The following SOBP variants were observed in gnomAD, a reference collection of about 807,000 sequenced individuals.
SOBP encodes sine oculis binding protein homolog.
In SOBP, 4 loss-of-function variants were observed where a neutral mutation model predicts 53.6. That is an observed-to-expected ratio of 0.07 (90% confidence interval 0.04 to 0.17). SOBP has a LOEUF of 0.17. Ranked by LOEUF, SOBP falls within the 10% of genes least tolerant of loss-of-function variation. The probability of loss-of-function intolerance (pLI) is 1.00; values close to 1 mark genes in which losing one functional copy is unlikely to be tolerated. For synonymous variants in SOBP, 584 were observed against 522.6 expected (o/e 1.12, Z -1.60); for missense variants, 1,088 against 1,204.7 (o/e 0.90, Z 1.43).
chr6:107,546,814 A>T (rs184122332), intron 4 of SOBP, among the ~76,000 whole-genome samples: 150 of 152,344 alleles, frequency 9.8e-4, no homozygotes, highest in Non-Finnish European at 1.5e-3. Context: ...AAGTAAGGTA[A>T]GTTGTTTGGA....
intron 4 of SOBP, 61 bp from the exon 5 acceptor site, chr6:107,587,019 T>C (rs1395530430): frequency 1.6e-6 from 2 of 1,286,608 alleles, no homozygotes; most frequent in Non-Finnish European, 2.3e-6. Context: ...TGTTATGCTT[T>C]TTAGCTTTTT....
At chr6:107,545,274 A>T (rs186321848) in intron 4 of SOBP, among the ~76,000 whole-genome samples, 1 of 152,372 alleles carries the variant, frequency 6.6e-6, no homozygotes, top group African/African-American at 2.4e-5. Context: ...AGAGAACTAT[A>T]TAGTTACGTT....
chr6:107,529,662 C>T, intron 3 of SOBP: 27 of 967,074 alleles, frequency 2.8e-5, no homozygotes, highest in Non-Finnish European at 3.3e-5. Flanking sequence ...AAGAAGATCA[C>T]TGACCAATGG....
chr6:107,542,116 T>C (rs896903729), intron 4 of SOBP, among the ~76,000 whole-genome samples: 3 of 152,080 alleles, frequency 2.0e-5, no homozygotes, highest in Non-Finnish European at 4.4e-5. Flanking sequence ...CTTAAACATA[T>C]CTTTGTAATA....
At position 107,634,591 on chromosome 6, in the gene SOBP, T is replaced by C. The variant is rs760532040; in HGVS notation, c.1747T>C (p.Ser583Pro). The C allele has an allele frequency of 6.2e-5, 99 of 1,601,534 alleles. 1 individual carries two copies. In the East Asian group the frequency reaches 1.3e-3, roughly 21 times the overall value. Reference protein sequence around the residue: ...AGGKPSGHSLSPRDSKQGSSK... With the variant: ...AGGKPSGHSLPPRDSKQGSSK... The stretch of plus-strand genomic sequence containing the variant: ...CGGCAAGCCAAGCGGACACTCCCTG[T>C]CCCCCCGGGACTCCAAGCAGGGCTC... The change falls in exon 6 of 7, where the codon TCC becomes CCC. Residue 583 changes from serine to proline, a missense_variant. Transcript: ENST00000317357. The surrounding 1 kb of genome is among the most constrained non-coding windows in gnomAD (Gnocchi z 4.5).
intron 6 of SOBP, among the ~76,000 whole-genome samples, chr6:107,654,769 CAGGGCTCT>C (rs1771951296): frequency 6.7e-6 from 1 of 149,586 alleles, no homozygotes; most frequent in South Asian, 2.1e-4. Flanking sequence ...GAGGAGGAAT[CAGGGCTCT>C]GAGGGAGGGT....
At chr6:107,511,037 T>C (rs76132863) in intron 3 of SOBP, among the ~76,000 whole-genome samples, 15,200 of 152,230 alleles carry the variant, frequency 0.1, 1,024 homozygotes, top group East Asian at 0.25. Context: ...GATTATTTTA[T>C]TTAATATGGT....
At position 107,526,045 on chromosome 6, in the gene SOBP, T is replaced by C. The variant is rs200367822; in HGVS notation, c.422-7414T>C. Among the ~76,000 whole-genome samples the C allele has an allele frequency of 3.9e-4, 59 of 152,190 alleles. No homozygotes were observed. The East Asian group carries it at 0.01, about 26-fold the overall frequency. On this transcript the variant is annotated intron_variant, in intron 3 of 6. Transcript: ENST00000317357. ...TCACTGCAACCTCCACTTCCCAGGT[T>C]CAAGCGATTCTCCTGCCTCAGCCTC...
chr6:107,535,851 C>A (rs1458895865), intron 4 of SOBP, among the ~76,000 whole-genome samples: 1 of 152,134 alleles, frequency 6.6e-6, no homozygotes, highest in African/African-American at 2.4e-5. Flanking sequence ...AGTCTCCATC[C>A]TGCCATTTCT....
chr6:107,512,064 A>G (rs1293787498), intron 3 of SOBP, among the ~76,000 whole-genome samples: 1 of 152,138 alleles, frequency 6.6e-6, no homozygotes. Flanking sequence ...TAGGCAAGCC[A>G]TGAAGAAAAC....
chr6:107,656,305 A>C (rs76831746), intron 6 of SOBP, among the ~76,000 whole-genome samples: 16,081 of 42,108 alleles, frequency 0.38, 1,357 homozygotes, highest in African/African-American at 0.48. Context: ...GAAAGAAAGA[A>C]AGAAAGAAAG....
chr6:107,597,421 C>T (rs1225981433), intron 5 of SOBP, among the ~76,000 whole-genome samples: 1 of 151,896 alleles, frequency 6.6e-6, no homozygotes, highest in Non-Finnish European at 1.5e-5. Context: ...TGAAAATATG[C>T]AATGTTATTA....
chr6:107,638,195 T>TTTTATTTA (rs138272779), intron 6 of SOBP, among the ~76,000 whole-genome samples: 8,061 of 151,004 alleles, frequency 0.053, 512 homozygotes, highest in African/African-American at 0.15. Flanking sequence ...TCCTGGTTTG[T>TTTTATTTA]TTTATTTATT....
intron 5 of SOBP, among the ~76,000 whole-genome samples, chr6:107,626,219 A>AT (rs565772287): frequency 0.022 from 3,332 of 152,134 alleles, 59 homozygotes; most frequent in Non-Finnish European, 0.034. Flanking sequence ...GATATTAAGG[A>AT]TTTTTTTTGC....
At chr6:107,574,437 G>A (rs1304755073) in intron 4 of SOBP, among the ~76,000 whole-genome samples, 2 of 152,094 alleles carry the variant, frequency 1.3e-5, no homozygotes, top group Non-Finnish European at 2.9e-5. Context: ...TTGTCTAGGA[G>A]CCTGAGAAAA....
intron 4 of SOBP, among the ~76,000 whole-genome samples, chr6:107,574,861 C>A (rs961599608): frequency 6.6e-6 from 1 of 152,178 alleles, no homozygotes; most frequent in Non-Finnish European, 1.5e-5. Context: ...CACCACCCCT[C>A]CGTTTCAGCT....
chr6:107,603,064 A>G (rs1408481957), intron 5 of SOBP, among the ~76,000 whole-genome samples: 1 of 152,210 alleles, frequency 6.6e-6, no homozygotes, highest in African/African-American at 2.4e-5. Context: ...CAGAATAGAA[A>G]GAAGGATACA....
intron 4 of SOBP, among the ~76,000 whole-genome samples, chr6:107,549,726 T>C (rs1385002717): frequency 1.3e-5 from 2 of 152,198 alleles, no homozygotes. Context: ...TGTTTGATGT[T>C]CCATGGCCTA....
At chr6:107,558,748 C>G (rs1784691291) in intron 4 of SOBP, among the ~76,000 whole-genome samples, 1 of 151,290 alleles carries the variant, frequency 6.6e-6, no homozygotes, top group African/African-American at 2.4e-5. Context: ...CATTTTAGTT[C>G]CGGTATGTTA....
Sources: allele counts gnomAD v4.1 joint callset (sites outside exome capture counted in the v4.1 genomes callset), GRCh38; gene constraint gnomAD v4.1.1; non-coding constraint Gnocchi (gnomAD v3.1); transcripts MANE v1.5; gene names NCBI Gene and HGNC (gene_info 2026-07-23, HGNC 2026-07-21).